The following ACVR2B variants were observed in gnomAD, a reference collection of about 807,000 sequenced individuals.
The protein encoded by ACVR2B is activin receptor type-2B.
ACVR2B carries 18 observed loss-of-function variants against 65.1 expected under a neutral mutation model. The observed-to-expected ratio is 0.28, with a 90% CI of 0.19 to 0.41. ACVR2B has a LOEUF of 0.41. ACVR2B is among the 10% of genes least tolerant of loss of function. The pLI, the probability that ACVR2B is intolerant of heterozygous loss-of-function variation, is 1.00. For missense variants in ACVR2B, 482 were observed against 682.7 expected (o/e 0.71, Z 3.28); for synonymous variants, 298 against 277.7 (o/e 1.07, Z -0.73).
In ACVR2B at chr3:38,477,004, C is replaced by T. The variant is rs886106569; in HGVS notation, c.53-283C>T. Reference sequence around the variant, plus strand: ...TCTGTCTGGCTGTTTATCCATCCTTCTGTGGCATTAGGTTTCCTGCCTCCT... The same window carrying T: ...TCTGTCTGGCTGTTTATCCATCCTTTTGTGGCATTAGGTTTCCTGCCTCCT... On this transcript the variant is annotated intron_variant, in intron 1 of 10. Transcript: ENST00000352511. This position sits in a 1 kb window ranked among gnomAD's most constrained non-coding sequence, Gnocchi z 6.7. 2 of 546,400 alleles carry T rather than the reference C, an allele frequency of 3.7e-6. No individual in the cohort carries two copies. The highest frequency in any genetic ancestry group is 6.6e-6 in the Non-Finnish European group (2 of 303,118). The allele number at this position is 546,400 out of a possible 1,614,324, so 33.8% of individuals were successfully genotyped here.
chr3:38,482,199 T>C lies in ACVR2B; in HGVS notation c.1076T>C (p.Val359Ala). The C allele has an allele frequency of 1.2e-6, 2 of 1,613,586 alleles. No homozygotes were observed. Among genetic ancestry groups the C allele is most frequent in the Admixed American group, 1.7e-5 (1 of 59,960 alleles). ...CTGCCCTCCTCTGTCCTCACATAGGTAGGCACGAGACGGTACATGGCTCCT... is the reference window on the plus strand; with the variant it reads ...CTGCCCTCCTCTGTCCTCACATAGGCAGGCACGAGACGGTACATGGCTCCT... Reference protein sequence around the residue: ...GKPPGDTHGQVGTRRYMAPEV... With the variant: ...GKPPGDTHGQAGTRRYMAPEV... Residue 359 changes from valine to alanine, a missense_variant and splice_region_variant, in exon 9 of 11, where the codon GTA (valine) becomes GCA (alanine). This residue lies in a region of ACVR2B where 223 missense variants were observed against 386.3 expected (regional missense o/e 0.58). Transcript: ENST00000352511.
chr3:38,454,429 G>T, intron 1 of ACVR2B, 55 bp downstream of exon 1: 1 of 1,218,500 alleles, frequency 8.2e-7, no homozygotes, highest in Non-Finnish European at 1.0e-6. Context: ...GCTGGCCTCT[G>T]GCGCCGCGCG....
In ACVR2B at chr3:38,479,021, G is replaced by C. The variant is rs1709966002; in HGVS notation, c.667-107G>C. On this transcript the variant is annotated intron_variant, in intron 5 of 10. Coordinates refer to ENST00000352511, the MANE Select transcript of ACVR2B (RefSeq NM_001106.4). ...CTGGGGGGTGGGGATTGGGCTGGGA[G>C]GCTTGAGGGTGGGGAATGGGGAATG... 2.7e-6 allele frequency: 4 copies of C among 1,481,316 alleles called. No individual in the cohort carries two copies. The South Asian group carries it at 4.6e-5, about 17-fold the overall frequency. 91.8% of individuals were successfully genotyped at this position (1,481,316 alleles called of 1,614,324 possible).
rs1225429190 is a variant in ACVR2B at position 38,462,527 on chromosome 3, A to G, written c.52+8153A>G. Among the ~76,000 whole-genome samples the G allele has an allele frequency of 3.3e-5, 5 of 152,228 alleles. No individual in the cohort carries two copies. In the East Asian group the frequency reaches 5.8e-4, roughly 18 times the overall value. On this transcript the variant is annotated intron_variant, in intron 1 of 10. Coordinates refer to ENST00000352511, the MANE Select transcript of ACVR2B (RefSeq NM_001106.4). ...TCATCTGTTTCTGTGCTTCATATGA[A>G]TAGAACCTTACAGAATAAACTGCTT...
At chr3:38,472,842 C>T (rs1709841646) in intron 1 of ACVR2B, among the ~76,000 whole-genome samples, 1 of 152,164 alleles carries the variant, frequency 6.6e-6, no homozygotes, top group Non-Finnish European at 1.5e-5. Flanking sequence ...TGAGGTTTCT[C>T]CCTTTTCTCC....
In ACVR2B at chr3:38,485,718, A is replaced by AT. The variant is rs1710108935; in HGVS notation, c.*2394dup. The AT allele has an allele frequency of 2.6e-5, 1 of 38,286 alleles. No individual in the cohort carries two copies. The highest frequency in any genetic ancestry group is 1.1e-4 in the African/African-American group (1 of 8,942). The allele number at this position is 38,286 out of a possible 1,614,324, so 2.4% of individuals were successfully genotyped here. ...TAATGGTTTGATTTTGTGCTGTGGT[A>AT]TTTTTTTTCCCTTAGAATAATTTTT... is the stretch of plus-strand genomic sequence containing the variant. On this transcript the variant is annotated 3_prime_UTR_variant, in exon 11 of 11. Coordinates refer to ENST00000352511, the MANE Select transcript of ACVR2B (RefSeq NM_001106.4).
chr3:38,466,208 A>G (rs1040353265), intron 1 of ACVR2B, among the ~76,000 whole-genome samples: 7 of 152,214 alleles, frequency 4.6e-5, no homozygotes, highest in African/African-American at 1.4e-4. Context: ...CCAGAGGCTA[A>G]GGAGGTAGGT....
intron 5 of ACVR2B, 36 bp downstream of exon 5, chr3:38,478,554 C>T: frequency 6.2e-7 from 1 of 1,613,752 alleles, no homozygotes; most frequent in Non-Finnish European, 8.5e-7. Flanking sequence ...GGTCCTCTGC[C>T]TCCACTGTAG....
rs1465665102 is a variant in ACVR2B at position 38,478,196 on chromosome 3, A to C, written c.426A>C (p.Ser142=). Residue 142 remains serine (S), a synonymous_variant, in exon 4 of 11, where the codon TCA becomes TCC. Transcript: ENST00000352511. Reference sequence around the variant, plus strand: ...CCCTGCTCACGGTGCTGGCCTACTCACTGCTGCCCATCGGGGGCCTTTCCC... The same window carrying C: ...CCCTGCTCACGGTGCTGGCCTACTCCCTGCTGCCCATCGGGGGCCTTTCCC... The part of the protein sequence containing the change: ...APTLLTVLAY[S]LLPIGGLSLI... 6.2e-7 allele frequency: 1 copy of C among 1,613,632 alleles called. No individual in the cohort carries two copies. The highest frequency in any genetic ancestry group is 8.5e-7 in the Non-Finnish European group (1 of 1,179,958).
At chr3:38,471,818 A>G (rs1709823167) in intron 1 of ACVR2B, among the ~76,000 whole-genome samples, 1 of 152,206 alleles carries the variant, frequency 6.6e-6, no homozygotes, top group Non-Finnish European at 1.5e-5. Context: ...TGAGGATTAA[A>G]TAAGTTACTC....
chr3:38,458,969 T>A (rs1291904039), intron 1 of ACVR2B, among the ~76,000 whole-genome samples: 1 of 152,184 alleles, frequency 6.6e-6, no homozygotes, highest in Non-Finnish European at 1.5e-5. Context: ...ACCCACAAAT[T>A]CCAGTAGATC....
At chr3:38,455,777 C>T (rs11925797) in intron 1 of ACVR2B, among the ~76,000 whole-genome samples, 3,847 of 152,156 alleles carry the variant, frequency 0.025, 173 homozygotes, top group African/African-American at 0.086. Flanking sequence ...TCTTTTTTGC[C>T]CCGCTCCCTT....
chr3:38,465,434 T>C (rs1709712663), intron 1 of ACVR2B, among the ~76,000 whole-genome samples: 1 of 149,250 alleles, frequency 6.7e-6, no homozygotes, highest in Non-Finnish European at 1.5e-5. Context: ...GTGTTCACTG[T>C]GGTCAAGGAA....
chr3:38,480,001 C>T (rs1426256611), intron 7 of ACVR2B, among the ~76,000 whole-genome samples, 175 bp downstream of exon 7: 2 of 152,196 alleles, frequency 1.3e-5, no homozygotes, highest in Non-Finnish European at 2.9e-5. Flanking sequence ...CTGGGGATGG[C>T]ATGGCCTCCC....
chr3:38,479,030 G>A, intron 5 of ACVR2B, 98 bp from the exon 6 acceptor site: 6 of 1,531,662 alleles, frequency 3.9e-6, no homozygotes, highest in Non-Finnish European at 5.4e-6. Context: ...AGGCTTGAGG[G>A]TGGGGAATGG....
intron 7 of ACVR2B, among the ~76,000 whole-genome samples, chr3:38,480,474 C>G (rs1709999299): frequency 6.6e-6 from 1 of 152,136 alleles, no homozygotes; most frequent in African/African-American, 2.4e-5. Flanking sequence ...GAGACAAGTA[C>G]TGTATTTCTC....
At position 38,482,070 on chromosome 3, in the gene ACVR2B, C is replaced by T. The variant is rs1710025847; in HGVS notation, c.1075-128C>T. ...AATGTGGTGAATCGAGGTTTGCTAT[C>T]ATTGATAACCTGTCTGAATTGCTCT... On this transcript the variant is annotated intron_variant, in intron 8 of 10. Transcript: ENST00000352511. 25 of 1,220,678 alleles carry T rather than the reference C, an allele frequency of 2.0e-5. No individual in the cohort carries two copies. In the South Asian group the frequency reaches 3.1e-4, roughly 15 times the overall value. The allele number at this position is 1,220,678 out of a possible 1,614,324, so 75.6% of individuals were successfully genotyped here.
chr3:38,467,351 G>C (rs1294886623), intron 1 of ACVR2B, among the ~76,000 whole-genome samples: 1 of 152,080 alleles, frequency 6.6e-6, no homozygotes, highest in Non-Finnish European at 1.5e-5. Flanking sequence ...GCTGAGGCAG[G>C]AGAATCACTC....
chr3:38,475,720 T>A (rs994142698), intron 1 of ACVR2B: 1 of 152,518 alleles, frequency 6.6e-6, no homozygotes, highest in Non-Finnish European at 1.5e-5. Context: ...CGTGAGGATG[T>A]CCTTAGGCTA....
Sources: gnomAD v4.1 joint callset for allele counts (sites outside exome capture counted in the v4.1 genomes callset) on GRCh38, gnomAD v4.1.1 for gene constraint, gnomAD v4.1.1 regional missense constraint, Gnocchi (gnomAD v3.1) non-coding constraint, MANE v1.5 for transcripts, NCBI Gene and HGNC (gene_info 2026-07-23, HGNC 2026-07-21) for gene names.